The following CDKAL1 variants were observed in gnomAD, a reference collection of about 807,000 sequenced individuals.
CDKAL1 encodes threonylcarbamoyladenosine tRNA methylthiotransferase.
Under a neutral mutation model 68.2 loss-of-function variants are expected in CDKAL1, and 32 were observed. The ratio of observed to expected loss-of-function variants is 0.47; its 90% confidence interval spans 0.35 to 0.63. The LOEUF (loss-of-function observed/expected upper bound fraction) is 0.63, where lower values mean the gene tolerates loss of function less well. CDKAL1 is among the 30% of genes least tolerant of loss of function. The pLI, the probability that CDKAL1 is intolerant of heterozygous loss-of-function variation, is 0.00. For synonymous variants in CDKAL1, 234 were observed against 244.3 expected, an observed-to-expected ratio of 0.96 and a Z score of 0.39; for missense variants, 606 against 696.7, an observed-to-expected ratio of 0.87 and a Z score of 1.47.
intron 7 of CDKAL1, among the ~76,000 whole-genome samples, chr6:20,760,685 AT>A (rs775384129): frequency 2.0e-5 from 3 of 152,150 alleles, no homozygotes; most frequent in Non-Finnish European, 4.4e-5. Context: ...CTTAAATGTT[AT>A]TTGATTGAGT....
At chr6:20,984,316 G>C (rs1766323694) in intron 10 of CDKAL1, among the ~76,000 whole-genome samples, 1 of 152,148 alleles carries the variant, frequency 6.6e-6, no homozygotes, top group Non-Finnish European at 1.5e-5. Flanking sequence ...CAGCTCATGG[G>C]TGGGGGAGTG....
At chr6:20,934,826 CAA>C (rs1491309507) in intron 9 of CDKAL1, among the ~76,000 whole-genome samples, 2 of 151,686 alleles carry the variant, frequency 1.3e-5, no homozygotes, top group Non-Finnish European at 2.9e-5. Flanking sequence ...CCAGCCTGTG[CAA>C]GAGAGAGAGA....
At chr6:20,650,021 A>C (rs1044811986) in intron 5 of CDKAL1, among the ~76,000 whole-genome samples, 1 of 152,178 alleles carries the variant, frequency 6.6e-6, no homozygotes. Flanking sequence ...GCTGCAATGA[A>C]CATATGTGTG....
chr6:20,749,307 G>A (rs2150337207), intron 6 of CDKAL1, among the ~76,000 whole-genome samples: 1 of 152,222 alleles, frequency 6.6e-6, no homozygotes, highest in Non-Finnish European at 1.5e-5. Flanking sequence ...CCATCATTAT[G>A]TGACCTCATC....
intron 4 of CDKAL1, among the ~76,000 whole-genome samples, chr6:20,637,076 G>A (rs149508394): frequency 9.6e-4 from 146 of 151,572 alleles, no homozygotes; most frequent in African/African-American, 3.1e-3. Flanking sequence ...AGAAAGGACT[G>A]TTTCACTGCT....
intron 7 of CDKAL1, among the ~76,000 whole-genome samples, chr6:20,759,788 T>G (rs1038829049): frequency 1.3e-5 from 2 of 152,242 alleles, no homozygotes; most frequent in Admixed American, 1.3e-4. Context: ...CTCTGTGGTA[T>G]AATTTTAAAT....
intron 5 of CDKAL1, among the ~76,000 whole-genome samples, chr6:20,715,705 T>G (rs1480329282): frequency 6.6e-6 from 1 of 152,214 alleles, no homozygotes; most frequent in Non-Finnish European, 1.5e-5. Context: ...TCCACCACGC[T>G]TTCATCAATG....
At chr6:20,630,835 T>C (rs561845700) in intron 4 of CDKAL1, among the ~76,000 whole-genome samples, 9 of 152,208 alleles carry the variant, frequency 5.9e-5, no homozygotes, top group Non-Finnish European at 1.0e-4. Context: ...TCTATTTCTG[T>C]TTCCGCATCC....
intron 5 of CDKAL1, among the ~76,000 whole-genome samples, chr6:20,719,332 A>T (rs921651259): frequency 3.3e-5 from 5 of 152,174 alleles, no homozygotes; most frequent in African/African-American, 1.2e-4. Flanking sequence ...CTTTAATAGT[A>T]ATTCTGAATT....
intron 7 of CDKAL1, among the ~76,000 whole-genome samples, chr6:20,773,844 C>A (rs1225972417): frequency 1.3e-5 from 2 of 152,112 alleles, no homozygotes; most frequent in Admixed American, 1.3e-4. Context: ...CTGCACCTGG[C>A]CCATTTATTC....
At chr6:20,937,736 C>A (rs1296121324) in intron 9 of CDKAL1, among the ~76,000 whole-genome samples, 1 of 152,146 alleles carries the variant, frequency 6.6e-6, no homozygotes, top group African/African-American at 2.4e-5. Context: ...GCAAGAGTAC[C>A]ACTGAAGTGA....
intron 10 of CDKAL1, among the ~76,000 whole-genome samples, chr6:20,966,462 A>C (rs1432636373): frequency 6.6e-6 from 1 of 152,194 alleles, no homozygotes; most frequent in East Asian, 1.9e-4. Flanking sequence ...TATGGGCACA[A>C]TCCATGTTTA....
chr6:21,065,595 T>TTTTTAAGAGACC (rs1771392928), intron 12 of CDKAL1, among the ~76,000 whole-genome samples: 1 of 150,944 alleles, frequency 6.6e-6, no homozygotes, highest in Non-Finnish European at 1.5e-5. Context: ...TTTAAGAGAC[T>TTTTTAAGAGACC]CTTTTCATAG....
intron 9 of CDKAL1, among the ~76,000 whole-genome samples, chr6:20,951,933 C>T (rs1385691367): frequency 6.7e-6 from 1 of 150,148 alleles, no homozygotes; most frequent in Non-Finnish European, 1.5e-5. Flanking sequence ...TTAGTTCTTC[C>T]TGCTTTTATC....
chr6:20,797,979 G>A (rs1776185881), intron 8 of CDKAL1, among the ~76,000 whole-genome samples: 2 of 151,410 alleles, frequency 1.3e-5, no homozygotes, highest in Admixed American at 6.6e-5. Flanking sequence ...ACCATGCCTG[G>A]CTATTTTTGT....
At chr6:20,629,918 A>G (rs905773670) in intron 4 of CDKAL1, among the ~76,000 whole-genome samples, 3 of 151,824 alleles carry the variant, frequency 2.0e-5, no homozygotes, top group African/African-American at 7.3e-5. Context: ...CAGCGGCACG[A>G]TCTTGGATCA....
intron 9 of CDKAL1, among the ~76,000 whole-genome samples, chr6:20,884,126 G>A (rs770345389): frequency 3.0e-4 from 45 of 152,068 alleles, no homozygotes; most frequent in Non-Finnish European, 5.4e-4. Flanking sequence ...ATCATCAAGT[G>A]GGATTTATCC....
intron 11 of CDKAL1, among the ~76,000 whole-genome samples, chr6:21,044,393 C>A (rs898148573): frequency 1.3e-5 from 2 of 152,134 alleles, no homozygotes; most frequent in African/African-American, 4.8e-5. Flanking sequence ...TTAACTCAAG[C>A]CTTCATTCTA....
chr6:21,090,884 C>T (rs1772976834), intron 12 of CDKAL1, among the ~76,000 whole-genome samples: 1 of 149,326 alleles, frequency 6.7e-6, no homozygotes, highest in Non-Finnish European at 1.5e-5. Flanking sequence ...TGGCTCACTG[C>T]AGCCTCAACC....
Sources: gnomAD v4.1 joint callset for allele counts (sites outside exome capture counted in the v4.1 genomes callset) on GRCh38, gnomAD v4.1.1 for gene constraint, MANE v1.5 for transcripts, NCBI Gene and HGNC (gene_info 2026-07-23, HGNC 2026-07-21) for gene names.